The following ATP9B variants were observed in gnomAD, a reference collection of about 807,000 sequenced individuals.
ATP9B encodes ATPase phospholipid transporting 9B.
ATP9B carries 110 observed loss-of-function variants against 146.1 expected under a neutral mutation model. The observed-to-expected ratio is 0.75, with a 90% confidence interval of 0.65 to 0.88. The LOEUF (loss-of-function observed/expected upper bound fraction) is 0.88, where lower values mean the gene tolerates loss of function less well. Ranked by LOEUF, ATP9B falls within the 40% of genes least tolerant of loss-of-function variation. The probability of loss-of-function intolerance (pLI) is 0.00; values close to 1 mark genes in which losing one functional copy is unlikely to be tolerated. For synonymous variants in ATP9B, 604 were observed against 569.7 expected (o/e 1.06, Z -0.86); for missense variants, 1,499 against 1,496.4 (o/e 1.00, Z -0.03).
At chr18:79,133,738 A>T (rs1599793557) in intron 5 of ATP9B, among the ~76,000 whole-genome samples, 1 of 146,490 alleles carries the variant, frequency 6.8e-6, no homozygotes, top group South Asian at 2.1e-4. Flanking sequence ...TTCACTTGAG[A>T]TGTGTGTGCT....
intron 1 of ATP9B, among the ~76,000 whole-genome samples, chr18:79,080,404 G>C (rs1320777104): frequency 2.0e-5 from 3 of 151,808 alleles, no homozygotes; most frequent in Admixed American, 6.6e-5. Flanking sequence ...CTTTGTAGCA[G>C]TTGTGAATGG....
intron 2 of ATP9B, among the ~76,000 whole-genome samples, chr18:79,102,292 A>G (rs1310574372): frequency 1.3e-5 from 2 of 152,286 alleles, no homozygotes; most frequent in Middle Eastern, 6.8e-3. Flanking sequence ...GCATCTAAGA[A>G]TTTCACAGAA....
At chr18:79,164,108 A>G (rs999103783) in intron 7 of ATP9B, among the ~76,000 whole-genome samples, 3 of 152,048 alleles carry the variant, frequency 2.0e-5, no homozygotes, top group African/African-American at 7.2e-5. Context: ...TAGTTTTTGT[A>G]GAGATGGGGT....
rs556527036 is a variant in ATP9B, at chr18:79,083,055, T to A, written c.120-13421T>A. Among the ~76,000 whole-genome samples the A allele has an allele frequency of 3.9e-5, 6 of 152,302 alleles. No individual in the cohort carries two copies. In the South Asian group the frequency reaches 1.2e-3, roughly 32 times the overall value. On this transcript the variant is annotated intron_variant, in intron 1 of 29. Transcript: ENST00000426216. Reference sequence around the variant, plus strand: ...GTCACAGGAAGATGGGAGTTTTATCTATAAGCCCCTGACTGGGGCAGCTGC... The same window carrying A: ...GTCACAGGAAGATGGGAGTTTTATCAATAAGCCCCTGACTGGGGCAGCTGC...
chr18:79,278,357 C>G (rs1451169353), intron 13 of ATP9B, among the ~76,000 whole-genome samples: 3 of 152,174 alleles, frequency 2.0e-5, no homozygotes, highest in Non-Finnish European at 4.4e-5. Context: ...CTTCCACTAT[C>G]CGTGCAGCAG....
intron 10 of ATP9B, among the ~76,000 whole-genome samples, chr18:79,208,687 GTTA>G (rs937388032): frequency 2.2e-4 from 33 of 152,142 alleles, no homozygotes; most frequent in African/African-American, 7.2e-4. Flanking sequence ...GTTTCATGAT[GTTA>G]TTTATATATA....
intron 11 of ATP9B, among the ~76,000 whole-genome samples, chr18:79,234,736 G>A (rs116653032): frequency 0.016 from 2,421 of 152,256 alleles, 66 homozygotes; most frequent in African/African-American, 0.055. Context: ...CTGTGGCTGC[G>A]GTTTCGACCA....
At chr18:79,348,264 AAAAAAC>A (rs1568782207) in intron 25 of ATP9B, 68 bp downstream of exon 25, 95 of 1,257,000 alleles carry the variant, frequency 7.6e-5, no homozygotes, top group African/African-American at 5.2e-4. Flanking sequence ...AAAAAAAAAA[AAAAAAC>A]AAAAAACGTA....
chr18:79,230,498 A>C (rs2095780935), intron 11 of ATP9B, among the ~76,000 whole-genome samples: 1 of 152,202 alleles, frequency 6.6e-6, no homozygotes, highest in South Asian at 2.1e-4. Flanking sequence ...AATAATACTT[A>C]GGAATGTACT....
intron 1 of ATP9B, among the ~76,000 whole-genome samples, chr18:79,093,277 G>A (rs2074500417): frequency 6.6e-6 from 1 of 152,060 alleles, no homozygotes; most frequent in Non-Finnish European, 1.5e-5. Flanking sequence ...GAACATCTTT[G>A]TTTTGCCTTC....
At chr18:79,231,529 A>G (rs1331604036) in intron 11 of ATP9B, among the ~76,000 whole-genome samples, 1 of 152,138 alleles carries the variant, frequency 6.6e-6, no homozygotes, top group Non-Finnish European at 1.5e-5. Context: ...ACACTTCTAC[A>G]CTGCTGGTGG....
At position 79,136,969 on chromosome 18, in the gene ATP9B, G is replaced by A. The variant is rs958165094; in HGVS notation, c.668-6833G>A. On this transcript the variant is annotated intron_variant, in intron 5 of 29. Transcript: ENST00000426216. ...CTCACTATCACAAGGGTAACAGCATGAGGGTAACCGCCCCATGATTCATTT... is the reference window on the plus strand; with the variant it reads ...CTCACTATCACAAGGGTAACAGCATAAGGGTAACCGCCCCATGATTCATTT... 2.6e-5 allele frequency among the ~76,000 whole-genome samples: 4 copies of A among 152,192 alleles called. No homozygotes were observed. In the East Asian group the frequency reaches 7.7e-4, roughly 29 times the overall value.
At chr18:79,341,985 A>G (rs2096861939) in intron 19 of ATP9B, among the ~76,000 whole-genome samples, 1 of 152,162 alleles carries the variant, frequency 6.6e-6, no homozygotes, top group Admixed American at 6.5e-5. Flanking sequence ...TAGGGACCTC[A>G]TGGAAATGGG....
rs114976888 is a variant in ATP9B, at chr18:79,356,636, C to T, written c.2904-2718C>T. ...AAAAGACGCCAGTCCCCGAAGTTAA[C>T]CTGCTGTACAGTTCCATTTGCATAG... On this transcript the variant is annotated intron_variant, in intron 25 of 29. Coordinates refer to ENST00000426216, the MANE Select transcript of ATP9B (RefSeq NM_198531.5). Among the ~76,000 whole-genome samples the T allele has an allele frequency of 1.7e-3, 255 of 152,342 alleles. 4 individuals are homozygous for T. Among genetic ancestry groups the T allele is most frequent in the African/African-American group, 5.7e-3 (239 of 41,582 alleles).
At chr18:79,308,021 C>T (rs904761945) in intron 15 of ATP9B, among the ~76,000 whole-genome samples, 2 of 152,048 alleles carry the variant, frequency 1.3e-5, no homozygotes, top group Non-Finnish European at 2.9e-5. Context: ...AGAAAAAAAT[C>T]AGATCTAATG....
intron 11 of ATP9B, among the ~76,000 whole-genome samples, chr18:79,221,717 TCTCAGAACA>T (rs2095679084): frequency 6.6e-6 from 1 of 152,146 alleles, no homozygotes; most frequent in Non-Finnish European, 1.5e-5. Context: ...CCAGACCCTG[TCTCAGAACA>T]AACAAACAAA....
In ATP9B at chr18:79,296,904, A is replaced by T. The variant is rs542753631; in HGVS notation, c.1412-6700A>T. 1.5e-4 allele frequency among the ~76,000 whole-genome samples: 23 copies of T among 152,194 alleles called. No homozygotes were observed. In the South Asian group the frequency reaches 4.8e-3, roughly 32 times the overall value. On this transcript the variant is annotated intron_variant, in intron 13 of 29. Transcript: ENST00000426216. ...CAGGGATGACCCACAGAGAAGACAG[A>T]GATGACCCAGAGAGAAGACAGAGAG...
At chr18:79,160,679 A>G (rs980490411) in intron 7 of ATP9B, among the ~76,000 whole-genome samples, 1 of 152,270 alleles carries the variant, frequency 6.6e-6, no homozygotes, top group Non-Finnish European at 1.5e-5. Context: ...TTTTCAGAAG[A>G]GGAATCTGAG....
At chr18:79,361,833 G>A (rs1375127642) in intron 26 of ATP9B, 30 of 984,648 alleles carry the variant, frequency 3.0e-5, no homozygotes, top group African/African-American at 8.7e-5. Flanking sequence ...TATCCACACC[G>A]GTCAGTGTCA....
Sources: gnomAD v4.1 joint callset for allele counts (sites outside exome capture counted in the v4.1 genomes callset) on GRCh38, gnomAD v4.1.1 for gene constraint, MANE v1.5 for transcripts, NCBI Gene and HGNC (gene_info 2026-07-23, HGNC 2026-07-21) for gene names.